The following HDAC4 variants were observed in gnomAD, a reference collection of about 807,000 sequenced individuals.
The protein encoded by HDAC4 is histone deacetylase 4.
HDAC4 carries 16 observed loss-of-function variants against 135.1 expected under a neutral mutation model. The ratio of observed to expected loss-of-function variants is 0.12; its 90% CI spans 0.08 to 0.18. HDAC4 has a LOEUF of 0.18. Among genes scored for constraint, HDAC4 ranks in the 10% least tolerant of loss-of-function variants. HDAC4 has a pLI of 1.00. For missense variants in HDAC4, 1,143 were observed against 1,511.8 expected, an observed-to-expected ratio of 0.76 and a Z score of 4.05; for synonymous variants, 685 against 653.4, an observed-to-expected ratio of 1.05 and a Z score of -0.74.
intron 5 of HDAC4, among the ~76,000 whole-genome samples, chr2:239,168,168 T>A (rs751053120): frequency 7.8e-4 from 119 of 152,228 alleles, no homozygotes; most frequent in Non-Finnish European, 1.4e-3. Context: ...ACTTTCAGGA[T>A]CAGCCTTTCA....
intron 2 of HDAC4, among the ~76,000 whole-genome samples, chr2:239,289,223 T>G (rs2051317382): frequency 6.6e-6 from 1 of 152,156 alleles, no homozygotes; most frequent in African/African-American, 2.4e-5. Context: ...AACCAAAGGC[T>G]TAAGTATGAA....
At chr2:239,192,355 TTC>T (rs2045042658) in intron 3 of HDAC4, among the ~76,000 whole-genome samples, 1 of 152,122 alleles carries the variant, frequency 6.6e-6, no homozygotes, top group South Asian at 2.1e-4. Flanking sequence ...TTCTTCCCTT[TTC>T]TGATCATTTT....
In HDAC4 at chr2:239,114,933, C is replaced by T. The variant is rs1250240078; in HGVS notation, c.1791+120G>A. 2.5e-6 allele frequency: 3 copies of T among 1,223,606 alleles called. No individual in the cohort carries two copies. The South Asian group carries it at 4.1e-5, about 17-fold the overall frequency. The allele number at this position is 1,223,606 out of a possible 1,614,324, so 75.8% of individuals were successfully genotyped here. A position where few individuals can be genotyped will look rare whatever the true frequency, so the allele number is the denominator to read the frequency against. On this transcript the variant is annotated intron_variant, in intron 13 of 26. Coordinates refer to ENST00000543185, the MANE Select transcript of HDAC4 (RefSeq NM_001378414.1). Reference sequence around the variant, plus strand: ...TGGCCAGGACAAGACAGGTGAGACACTGGACAGTGACCGCGCAAGGATGCC... The same window carrying T: ...TGGCCAGGACAAGACAGGTGAGACATTGGACAGTGACCGCGCAAGGATGCC...
At chr2:239,295,300 C>G (rs1015564284) in intron 2 of HDAC4, among the ~76,000 whole-genome samples, 3 of 89,756 alleles carry the variant, frequency 3.3e-5, no homozygotes, top group Admixed American at 1.5e-4. Context: ...GAGCAAGACT[C>G]CGTCTCAAAA....
chr2:239,127,771 A>C (rs1004520262), intron 11 of HDAC4, among the ~76,000 whole-genome samples: 3 of 152,196 alleles, frequency 2.0e-5, no homozygotes, highest in African/African-American at 7.2e-5. Context: ...GCCTGCTGCA[A>C]GGGCTACGGG....
intron 2 of HDAC4, among the ~76,000 whole-genome samples, chr2:239,345,782 A>C (rs1238688721): frequency 9.7e-5 from 10 of 102,970 alleles, no homozygotes; most frequent in African/African-American, 1.1e-4. Context: ...CATGCACTCA[A>C]ACACACATAC....
intron 2 of HDAC4, among the ~76,000 whole-genome samples, chr2:239,345,855 A>AAC (rs1209603118): frequency 1.6e-5 from 2 of 125,938 alleles, no homozygotes; most frequent in African/African-American, 3.0e-5. Context: ...CATGCACTCA[A>AAC]ACACACACAC....
Position 239,370,899 on chromosome 2 carries a change from T to C in HDAC4, c.-219-17981A>G, listed in dbSNP as rs1694561835. On this transcript the variant is annotated intron_variant, in intron 1 of 26. Transcript: ENST00000543185. ...GAGTCATAAAGGTGAAGGACCAACATGCCCCTCATCTCCTAGTTGGATAGT... is the reference window on the plus strand; with the variant it reads ...GAGTCATAAAGGTGAAGGACCAACACGCCCCTCATCTCCTAGTTGGATAGT... 2.0e-5 allele frequency among the ~76,000 whole-genome samples: 3 copies of C among 152,238 alleles called. No individual in the cohort carries two copies. The South Asian group carries it at 6.2e-4, about 31-fold the overall frequency.
At chr2:239,275,985 A>T (rs1385597647) in intron 2 of HDAC4, among the ~76,000 whole-genome samples, 1 of 152,146 alleles carries the variant, frequency 6.6e-6, no homozygotes, top group Non-Finnish European at 1.5e-5. Flanking sequence ...GGTGGTGGAC[A>T]GGCTCCGCCC....
intron 1 of HDAC4, among the ~76,000 whole-genome samples, chr2:239,384,720 T>C (rs1432483566): frequency 6.6e-6 from 1 of 152,220 alleles, no homozygotes; most frequent in Non-Finnish European, 1.5e-5. Context: ...TTTGTTTCAG[T>C]GGACATGGCC....
chr2:239,120,611 G>A (rs1322434751), intron 12 of HDAC4, among the ~76,000 whole-genome samples: 1 of 134,002 alleles, frequency 7.5e-6, no homozygotes, highest in Non-Finnish European at 1.6e-5. Context: ...GGAAATGGGG[G>A]GGCGGGGAAG....
At chr2:239,398,059 C>T (rs936122786) in intron 1 of HDAC4, among the ~76,000 whole-genome samples, 18 of 120,304 alleles carry the variant, frequency 1.5e-4, no homozygotes, top group Admixed American at 1.3e-3. Context: ...GGCCCCTTCG[C>T]CCTTCAGTTC....
rs1182447926 is a variant in HDAC4 at position 239,303,822 on chromosome 2, A to G, written c.22+48856T>C. On this transcript the variant is annotated intron_variant, in intron 2 of 26. Transcript: ENST00000543185. This position sits in a 1 kb window ranked among gnomAD's most constrained non-coding sequence, Gnocchi z 5.1. ...GGGCGCGGCACTCGCCTATGCTCTC[A>G]TGAAGCCCCGTGCCAAGGGCTTCTC... Among the ~76,000 whole-genome samples the G allele has an allele frequency of 6.6e-6, 1 of 152,090 alleles. No individual in the cohort carries two copies. Among genetic ancestry groups the G allele is most frequent in the African/African-American group, 2.4e-5 (1 of 41,416 alleles).
intron 14 of HDAC4, among the ~76,000 whole-genome samples, chr2:239,109,089 C>T (rs1221703496): frequency 1.3e-5 from 2 of 152,356 alleles, no homozygotes; most frequent in East Asian, 1.9e-4. Context: ...TGCCCCGGCC[C>T]CTTCTCACCA....
intron 3 of HDAC4, among the ~76,000 whole-genome samples, chr2:239,193,386 C>T (rs1393037865): frequency 6.6e-6 from 1 of 152,240 alleles, no homozygotes; most frequent in East Asian, 1.9e-4. Context: ...CCCGCATTTC[C>T]ACTCCTCATT....
chr2:239,367,003 G>A (rs912964242), intron 1 of HDAC4, among the ~76,000 whole-genome samples: 4 of 136,920 alleles, frequency 2.9e-5, no homozygotes, highest in South Asian at 2.1e-4. Flanking sequence ...GAAAGCCTCC[G>A]TCACTGACAG....
Position 239,331,929 on chromosome 2 carries a change from A to C in HDAC4, c.22+20749T>G, listed in dbSNP as rs1392231302. 6.6e-6 allele frequency among the ~76,000 whole-genome samples: 1 copy of C among 152,198 alleles called. No individual in the cohort carries two copies. The highest frequency in any genetic ancestry group is 2.4e-5 in the African/African-American group (1 of 41,440). The stretch of plus-strand genomic sequence containing the variant: ...GAGCCCCGTGCCAGGAGTGAGGGCA[A>C]CACGGACCTGACCAGTCCTCACAGA... On this transcript the variant is annotated intron_variant, in intron 2 of 26. Transcript: ENST00000543185. This position sits in a 1 kb window ranked among gnomAD's most constrained non-coding sequence, Gnocchi z 4.5.
At chr2:239,315,573 G>A (rs1361696513) in intron 2 of HDAC4, among the ~76,000 whole-genome samples, 1 of 152,178 alleles carries the variant, frequency 6.6e-6, no homozygotes, top group Non-Finnish European at 1.5e-5. Context: ...CGGCAGACCA[G>A]GTGACAGTGA....
Position 239,221,181 on chromosome 2 carries a change from A to AT in HDAC4, c.94+15411_94+15412insA, listed in dbSNP as rs1306842071. Among the ~76,000 whole-genome samples the AT allele has an allele frequency of 2.0e-5, 3 of 152,324 alleles. No individual in the cohort carries two copies. In the East Asian group the frequency reaches 5.8e-4, roughly 29 times the overall value. ...GTCAGATGGTATTAGTGTTCTTGCG[A>AT]ATACCATTTAGAAGAATAAAAGAGA... On this transcript the variant is annotated intron_variant, in intron 3 of 26. Coordinates refer to ENST00000543185, the MANE Select transcript of HDAC4 (RefSeq NM_001378414.1).
Sources: gnomAD v4.1 joint callset for allele counts (sites outside exome capture counted in the v4.1 genomes callset) on GRCh38, gnomAD v4.1.1 for gene constraint, Gnocchi (gnomAD v3.1) non-coding constraint, MANE v1.5 for transcripts, NCBI Gene and HGNC (gene_info 2026-07-23, HGNC 2026-07-21) for gene names.